IWS1: variants seen among roughly 807,000 people sequenced by gnomAD.
The protein encoded by IWS1 is interacts with SUPT6H, CTD assembly factor 1, also known as protein IWS1 homolog.
IWS1 carries 27 observed loss-of-function variants against 86.7 expected under a neutral mutation model. The observed-to-expected ratio is 0.31, with a 90% CI of 0.23 to 0.43. The LOEUF (loss-of-function observed/expected upper bound fraction) is 0.43, where lower values mean the gene tolerates loss of function less well. Ranked by LOEUF, IWS1 falls within the 20% of genes least tolerant of loss-of-function variation. The pLI, the probability that IWS1 is intolerant of heterozygous loss-of-function variation, is 1.00. For missense variants in IWS1, 827 were observed against 1,000.8 expected (o/e 0.83, Z 2.34); for synonymous variants, 313 against 335.1 (o/e 0.93, Z 0.72).
intron 1 of IWS1, among the ~76,000 whole-genome samples, chr2:127,524,150 G>A (rs1692259283): frequency 6.6e-6 from 1 of 152,018 alleles, no homozygotes; most frequent in Non-Finnish European, 1.5e-5. Context: ...GTTTAACGTG[G>A]GTCTTCTTCA....
chr2:127,519,452 T>C (rs1056951196), intron 2 of IWS1, among the ~76,000 whole-genome samples: 3 of 152,100 alleles, frequency 2.0e-5, no homozygotes, highest in African/African-American at 7.2e-5. Context: ...GTATTTCCTA[T>C]ACTGACCACT....
intron 12 of IWS1, among the ~76,000 whole-genome samples, chr2:127,487,365 G>A (rs1199092835): frequency 1.3e-5 from 2 of 152,120 alleles, no homozygotes; most frequent in African/African-American, 2.4e-5. Context: ...ATGCAAATCC[G>A]TGGGTAACCA....
chr2:127,521,782 T>C (rs971364313), intron 2 of IWS1, among the ~76,000 whole-genome samples: 7 of 152,218 alleles, frequency 4.6e-5, no homozygotes, highest in African/African-American at 1.7e-4. Context: ...TGGGACAGTC[T>C]GTGATTTCCA....
chr2:127,524,925 T>C (rs1692310779), intron 1 of IWS1, among the ~76,000 whole-genome samples: 1 of 151,718 alleles, frequency 6.6e-6, no homozygotes, highest in Non-Finnish European at 1.5e-5. Context: ...TCTTGCTCTG[T>C]CGCCCAGGCT....
chr2:127,491,854 T>C, intron 10 of IWS1, 117 bp downstream of exon 10: 2 of 678,960 alleles, frequency 2.9e-6, no homozygotes, highest in East Asian at 2.5e-5. Context: ...AAAATTTCTA[T>C]TCCACTTTAC....
At chr2:127,524,708 A>G (rs1005831726) in intron 1 of IWS1, among the ~76,000 whole-genome samples, 1 of 148,442 alleles carries the variant, frequency 6.7e-6, no homozygotes, top group East Asian at 2.1e-4. Flanking sequence ...ACGCCTGGCT[A>G]ATTTTTTGTA....
intron 7 of IWS1, 118 bp from the exon 8 acceptor site, chr2:127,495,072 G>C: frequency 1.6e-6 from 1 of 623,264 alleles, no homozygotes; most frequent in Non-Finnish European, 2.7e-6. Flanking sequence ...TTTCCTACAA[G>C]AAAGAATAAT....
chr2:127,493,796 T>G (rs1171651806), intron 8 of IWS1, among the ~76,000 whole-genome samples: 2 of 141,126 alleles, frequency 1.4e-5, no homozygotes, highest in Non-Finnish European at 3.0e-5. Flanking sequence ...TTTGCTCTTC[T>G]CTGCAGGACA....
Position 127,499,084 on chromosome 2 carries a change from TTTTTC to T in IWS1, c.1468-852_1468-848del, listed in dbSNP as rs1283576632. The stretch of plus-strand genomic sequence containing the variant: ...TTATGCTAATATTTGCCAGGCATAA[TTTTTC>T]TTTTTCTTTTTTTTTTTTTGAGACG... On this transcript the variant is annotated intron_variant, in intron 5 of 13. Transcript: ENST00000295321. This position sits in a 1 kb window ranked among gnomAD's most constrained non-coding sequence, Gnocchi z 4.0. 3.4e-5 allele frequency among the ~76,000 whole-genome samples: 1 copy of T among 29,502 alleles called. No homozygotes were observed. Among genetic ancestry groups the T allele is most frequent in the African/African-American group, 1.5e-4 (1 of 6,554 alleles). The allele number at this position is 29,502 out of a possible 152,430, so 19.4% of individuals were successfully genotyped here.
At position 127,489,753 on chromosome 2, in the gene IWS1, C is replaced by A; in HGVS notation, c.2159+79G>T. The A allele has an allele frequency of 1.2e-6, 1 of 801,606 alleles. No homozygotes were observed. The highest frequency in any genetic ancestry group is 1.8e-5 in the Admixed American group (1 of 54,516). The allele number at this position is 801,606 out of a possible 1,614,324, so 49.7% of individuals were successfully genotyped here. On this transcript the variant is annotated intron_variant, in intron 11 of 13. Transcript: ENST00000295321. The surrounding 1 kb of genome is among the most constrained non-coding windows in gnomAD (Gnocchi z 4.8). ...AAAGGAAATCCTATCATCTTGCAGG[C>A]TTCCTAATGATCTTACTTAAAACTG...
rs184699685 is a variant in IWS1 at position 127,493,515 on chromosome 2, G to A, written c.1800-105C>T. 180 of 997,288 alleles carry A rather than the reference G, an allele frequency of 1.8e-4. 1 individual carries two copies. The highest frequency in any genetic ancestry group is 8.0e-4 in the East Asian group (28 of 34,892). 61.8% of individuals were successfully genotyped at this position (997,288 alleles called of 1,614,324 possible). A position where few individuals can be genotyped will look rare whatever the true frequency, so the allele number is the denominator to read the frequency against. On this transcript the variant is annotated intron_variant, in intron 8 of 13. Coordinates refer to ENST00000295321, the MANE Select transcript of IWS1 (RefSeq NM_017969.3). ...TGTTTCTAAAAACTGCTTTTAAAGC[G>A]TTACTCATATAAATTTGACATTTAC...
chr2:127,517,066 T>G (rs1270424562), intron 2 of IWS1, among the ~76,000 whole-genome samples: 1 of 152,112 alleles, frequency 6.6e-6, no homozygotes, highest in Non-Finnish European at 1.5e-5. Context: ...AAATCGAACA[T>G]GTATACACGG....
At chr2:127,482,603 A>G (rs1689689770) in intron 13 of IWS1, 1 of 152,504 alleles carries the variant, frequency 6.6e-6, no homozygotes, top group South Asian at 2.1e-4. Flanking sequence ...AATTCCCAGC[A>G]GCTTCACACA....
At chr2:127,493,560 G>A (rs1457377855) in intron 8 of IWS1, 150 bp from the exon 9 acceptor site, 9 of 656,646 alleles carry the variant, frequency 1.4e-5, no homozygotes, top group Non-Finnish European at 2.2e-5. Context: ...TTCTGGTTTC[G>A]AAAGCAGTAT....
chr2:127,511,561 T>C (rs1691454699), intron 2 of IWS1: 1 of 152,230 alleles, frequency 6.6e-6, no homozygotes, highest in East Asian at 1.9e-4. Context: ...CCATGGCATC[T>C]TGTACGCTCA....
chr2:127,524,359 CTTTTA>C (rs1692269114), intron 1 of IWS1, among the ~76,000 whole-genome samples: 1 of 152,110 alleles, frequency 6.6e-6, no homozygotes, highest in African/African-American at 2.4e-5. Flanking sequence ...ACCTAACTTT[CTTTTA>C]TATTTTTGTA....
At chr2:127,507,252 A>G (rs1274471536) in intron 2 of IWS1, among the ~76,000 whole-genome samples, 1 of 152,240 alleles carries the variant, frequency 6.6e-6, no homozygotes, top group South Asian at 2.1e-4. Context: ...TGTGTCTACA[A>G]ATTCAAAAAG....
chr2:127,501,511 T>C (rs149154786), intron 5 of IWS1, among the ~76,000 whole-genome samples: 2 of 152,344 alleles, frequency 1.3e-5, no homozygotes, highest in African/African-American at 2.4e-5. Context: ...CTGCTATACA[T>C]GTAACTTTCC....
At chr2:127,498,022 G>C in intron 6 of IWS1, 118 bp downstream of exon 6, 1 of 709,888 alleles carries the variant, frequency 1.4e-6, no homozygotes, top group South Asian at 1.9e-5. Flanking sequence ...GAGAAAAACA[G>C]GAATAGACCC....
Sources: allele counts gnomAD v4.1 joint callset (sites outside exome capture counted in the v4.1 genomes callset), GRCh38; gene constraint gnomAD v4.1.1; non-coding constraint Gnocchi (gnomAD v3.1); transcripts MANE v1.5; gene names NCBI Gene and HGNC (gene_info 2026-07-23, HGNC 2026-07-21).